SYNE2: variants seen among roughly 807,000 people sequenced by gnomAD.
The protein encoded by SYNE2 is nesprin-2.
A neutral mutation model predicts 856.3 loss-of-function variants in SYNE2; 431 were observed. The observed-to-expected ratio is 0.50, with a 90% CI of 0.47 to 0.55. The LOEUF (loss-of-function observed/expected upper bound fraction) is 0.55. Ranked by LOEUF, SYNE2 falls within the 20% of genes least tolerant of loss-of-function variation. SYNE2 has a pLI of 0.00. For missense variants in SYNE2, 8,129 were observed against 8,023.2 expected (o/e 1.01, Z -0.50); for synonymous variants, 2,923 against 2,872.3 (o/e 1.02, Z -0.56).
At chr14:63,986,363 G>A in intron 18 of SYNE2, 93 bp from the exon 19 acceptor site, 1 of 1,370,460 alleles carries the variant, frequency 7.3e-7, no homozygotes, top group South Asian at 1.2e-5. Context: ...GCCTCCTAAA[G>A]AGCTGGGATT....
At chr14:64,206,554 ATGTT>A (rs970760401) in intron 100 of SYNE2, among the ~76,000 whole-genome samples, 6 of 150,388 alleles carry the variant, frequency 4.0e-5, no homozygotes, top group Non-Finnish European at 7.4e-5. Flanking sequence ...AGTTTTGAAA[ATGTT>A]TGGGCTTTTT....
chr14:63,896,964 A>G (rs1009220696), intron 1 of SYNE2, among the ~76,000 whole-genome samples: 10 of 152,122 alleles, frequency 6.6e-5, no homozygotes, highest in African/African-American at 1.2e-4. Context: ...TAAAATGTAT[A>G]TAAATGGCCT....
chr14:63,926,108 T>C (rs2153386535), intron 2 of SYNE2, among the ~76,000 whole-genome samples: 1 of 152,178 alleles, frequency 6.6e-6, no homozygotes, highest in South Asian at 2.1e-4. Flanking sequence ...CCTCCCAAAG[T>C]GTTAGGATTA....
At chr14:64,113,209 C>A (rs2097826123) in intron 65 of SYNE2, 132 bp from the exon 66 acceptor site, 2 of 1,531,852 alleles carry the variant, frequency 1.3e-6, no homozygotes, top group African/African-American at 1.4e-5. Context: ...AGGTGCATTT[C>A]TCTTTTCTTT....
At chr14:63,975,958 A>G (rs1310472376) in intron 11 of SYNE2, among the ~76,000 whole-genome samples, 1 of 152,252 alleles carries the variant, frequency 6.6e-6, no homozygotes, top group African/African-American at 2.4e-5. Context: ...ATGAAGACAC[A>G]AGAGTACAGC....
At chr14:63,998,137 A>G (rs2096727192) in intron 25 of SYNE2, 82 bp from the exon 26 acceptor site, 11 of 1,008,316 alleles carry the variant, frequency 1.1e-5, no homozygotes, top group Admixed American at 1.0e-4. Context: ...TCAATGATAC[A>G]TTTTTGAACA....
At chr14:63,968,770 A>G (rs980375126) in intron 11 of SYNE2, among the ~76,000 whole-genome samples, 1 of 152,228 alleles carries the variant, frequency 6.6e-6, no homozygotes, top group Non-Finnish European at 1.5e-5. Context: ...ACAGGCATGC[A>G]ATGTGAAATA....
chr14:63,919,339 T>C (rs894660031), intron 2 of SYNE2, among the ~76,000 whole-genome samples: 1 of 152,176 alleles, frequency 6.6e-6, no homozygotes, highest in African/African-American at 2.4e-5. Flanking sequence ...AAGGCCTCTT[T>C]GAGAAGGGAC....
intron 66 of SYNE2, among the ~76,000 whole-genome samples, chr14:64,114,073 T>A (rs934538908): frequency 1.3e-5 from 2 of 152,210 alleles, no homozygotes; most frequent in Non-Finnish European, 2.9e-5. Flanking sequence ...TCATTCATCA[T>A]AAATGAAACC....
chr14:64,223,175 T>G lies in SYNE2; in HGVS notation c.20191-14T>G. The G allele has an allele frequency of 6.2e-7, 1 of 1,613,034 alleles. No individual in the cohort carries two copies. ...TGGACAGGTCACTGTTTCACACACT[T>G]TATCTGTTTTCAGCAACTGGAAAAG... is the stretch of plus-strand genomic sequence containing the variant. On this transcript the variant is annotated splice_polypyrimidine_tract_variant and intron_variant, in intron 112 of 115. Transcript: ENST00000555002.
At chr14:64,070,940 T>C (rs1055217496) in intron 52 of SYNE2, 30 bp downstream of exon 52, 3 of 1,612,054 alleles carry the variant, frequency 1.9e-6, no homozygotes, top group South Asian at 2.2e-5. Context: ...ATTAAGGACG[T>C]GTGCTTGACA....
chr14:63,885,042 C>T (rs965955057), intron 1 of SYNE2, among the ~76,000 whole-genome samples: 1 of 152,138 alleles, frequency 6.6e-6, no homozygotes, highest in African/African-American at 2.4e-5. Flanking sequence ...CAAAGAAAGA[C>T]TCGGTGCCCA....
intron 1 of SYNE2, among the ~76,000 whole-genome samples, chr14:63,809,341 A>T (rs1344487255): frequency 6.6e-6 from 1 of 152,164 alleles, no homozygotes; most frequent in South Asian, 2.1e-4. Flanking sequence ...AATTTTCTCA[A>T]TATTAAGAGT....
chr14:63,995,204 T>G lies in SYNE2; in HGVS notation c.2940+2T>G, dbSNP rs1470931953. 8 of 1,604,136 alleles carry G rather than the reference T, an allele frequency of 5.0e-6. No individual in the cohort carries two copies. Among genetic ancestry groups the G allele is most frequent in the Non-Finnish European group, 6.8e-6 (8 of 1,173,764 alleles). ...AAGGGTCTCATCAAAGAACATGAGGTACAATAAAGTGTTTCCACTTAAATT... is the reference window on the plus strand; with the variant it reads ...AAGGGTCTCATCAAAGAACATGAGGGACAATAAAGTGTTTCCACTTAAATT... On this transcript the variant is annotated splice_donor_variant, in intron 23 of 115. Transcript: ENST00000555002. LOFTEE classifies it high-confidence loss of function.
rs375200997 is a variant in SYNE2 at position 63,842,230 on chromosome 14, G to T, written c.-304-10271G>T. ...CTCTGTCACCCAGGCCGAGTGCAGT[G>T]GCACCATATCAGCTGGCTGCAACCT... On this transcript the variant is annotated intron_variant, in intron 1 of 23. Transcript: ENST00000674003. Among the ~76,000 whole-genome samples the T allele has an allele frequency of 7.8e-4, 119 of 152,110 alleles. 2 individuals carry two copies. The South Asian group carries it at 0.018, about 23-fold the overall frequency.
chr14:63,801,515 A>G (rs1383949258), intron 1 of SYNE2, among the ~76,000 whole-genome samples: 4 of 152,182 alleles, frequency 2.6e-5, no homozygotes, highest in Non-Finnish European at 5.9e-5. Context: ...CCCCATCTCT[A>G]CTAAAAATAC....
intron 57 of SYNE2, among the ~76,000 whole-genome samples, chr14:64,086,822 G>A (rs2097566240): frequency 6.8e-6 from 1 of 146,110 alleles, no homozygotes; most frequent in Non-Finnish European, 1.5e-5. Context: ...CGATTCTCCT[G>A]CCTCAGCCTC....
At chr14:64,106,945 T>G (rs1359383391) in intron 64 of SYNE2, among the ~76,000 whole-genome samples, 3 of 152,220 alleles carry the variant, frequency 2.0e-5, no homozygotes, top group African/African-American at 7.2e-5. Context: ...ATAAAATGCC[T>G]TGGTAGTTGT....
chr14:64,128,229 G>A (rs186492073), intron 73 of SYNE2, among the ~76,000 whole-genome samples: 417 of 152,254 alleles, frequency 2.7e-3, no homozygotes, highest in Middle Eastern at 0.01. Context: ...CTGAAGGAAA[G>A]GAGATTAGGT....
Sources: allele counts gnomAD v4.1 joint callset (sites outside exome capture counted in the v4.1 genomes callset), GRCh38; gene constraint gnomAD v4.1.1; transcripts MANE v1.5; gene names NCBI Gene and HGNC (gene_info 2026-07-23, HGNC 2026-07-21).